Variants in DIAPH2 observed in about 807,000 individuals in gnomAD.
The protein encoded by DIAPH2 is protein diaphanous homolog 2.
In DIAPH2, 35 loss-of-function variants were observed where a neutral mutation model predicts 92.7. That is an observed-to-expected ratio of 0.38 (90% confidence interval 0.29 to 0.50). The LOEUF (loss-of-function observed/expected upper bound fraction) is 0.50, where lower values mean the gene tolerates loss of function less well. Ranked by LOEUF, DIAPH2 falls within the 20% of genes least tolerant of loss-of-function variation. The probability of loss-of-function intolerance (pLI) is 0.94; values close to 1 mark genes in which losing one functional copy is unlikely to be tolerated. For missense variants in DIAPH2, 701 were observed against 819.5 expected (o/e 0.86, Z 1.77); for synonymous variants, 301 against 280.4 (o/e 1.07, Z -0.73).
chrX:97,005,045 C>T (rs143627053), intron 17 of DIAPH2, among the ~76,000 whole-genome samples: 1 of 112,007 alleles, frequency 8.9e-6, no homozygotes, highest in Non-Finnish European at 1.9e-5. Flanking sequence ...GCCTATTCAG[C>T]ATCAATTGAA....
intron 17 of DIAPH2, among the ~76,000 whole-genome samples, chrX:97,043,864 A>G (rs2066463023): frequency 1.8e-5 from 2 of 112,373 alleles, no homozygotes; most frequent in Admixed American, 1.9e-4. Flanking sequence ...ATAATTTTAA[A>G]TGAATACTCT....
chrX:97,240,998 T>C (rs1400656813), intron 22 of DIAPH2, among the ~76,000 whole-genome samples: 2 of 111,378 alleles, frequency 1.8e-5, no homozygotes, highest in Non-Finnish European at 3.8e-5. Flanking sequence ...CCTAAAACCA[T>C]TCCTACCCCA....
chrX:97,224,196 C>T (rs2067948017), intron 22 of DIAPH2, among the ~76,000 whole-genome samples: 1 of 111,962 alleles, frequency 8.9e-6, no homozygotes, highest in Admixed American at 9.5e-5. Context: ...TATGGTCTTT[C>T]TTTAACTATT....
chrX:97,009,724 C>T (rs1458962751), intron 17 of DIAPH2, among the ~76,000 whole-genome samples: 1 of 112,169 alleles, frequency 8.9e-6, no homozygotes, highest in African/African-American at 3.2e-5. Context: ...CTAGAAATGT[C>T]ATCTGGTAGT....
chrX:97,176,336 TA>T (rs914907125), intron 22 of DIAPH2, among the ~76,000 whole-genome samples: 2 of 111,715 alleles, frequency 1.8e-5, no homozygotes, highest in Non-Finnish European at 3.8e-5. Context: ...ATGCCCTTTT[TA>T]AAAAGCATGT....
chrX:96,985,984 T>G (rs1280771409), intron 17 of DIAPH2, among the ~76,000 whole-genome samples: 1 of 110,824 alleles, frequency 9.0e-6, no homozygotes, highest in South Asian at 3.8e-4. Flanking sequence ...CAAAATATGT[T>G]TTTTTTAATG....
At chrX:96,735,488 G>A (rs181632794) in intron 1 of DIAPH2, among the ~76,000 whole-genome samples, 1 of 111,407 alleles carries the variant, frequency 9.0e-6, no homozygotes, top group East Asian at 2.8e-4. Context: ...TTTCAGCACT[G>A]TGGTAGTGAC....
intron 10 of DIAPH2, among the ~76,000 whole-genome samples, chrX:96,934,153 T>C (rs1453136528): frequency 2.7e-5 from 3 of 111,655 alleles, no homozygotes; most frequent in African/African-American, 9.8e-5. Context: ...AGAATGGTCA[T>C]GGGTTAACAT....
rs1313221739 is a variant in DIAPH2, at chrX:97,093,469, C to T, written c.2248-6225C>T. Among the ~76,000 whole-genome samples, 3 of 111,703 alleles carry T rather than the reference C, an allele frequency of 2.7e-5. No individual in the cohort carries two copies. The East Asian group carries it at 8.5e-4, about 32-fold the overall frequency. On this transcript the variant is annotated intron_variant, in intron 19 of 26. Coordinates refer to ENST00000324765, the MANE Select transcript of DIAPH2 (RefSeq NM_006729.5). ...CGTCTGCCTAAGCATTTGGCTGCCT[C>T]CTGTTGCTATCATTACATTTAGACA...
chrX:97,265,736 A>G (rs924722661), intron 23 of DIAPH2, among the ~76,000 whole-genome samples: 1 of 112,188 alleles, frequency 8.9e-6, no homozygotes, highest in Non-Finnish European at 1.9e-5. Context: ...TTAGTATAAG[A>G]TGAAAACTGA....
chrX:96,785,330 T>C (rs1454403976), intron 4 of DIAPH2, among the ~76,000 whole-genome samples: 1 of 110,609 alleles, frequency 9.0e-6, no homozygotes, highest in African/African-American at 3.3e-5. Context: ...CTCACAGTTC[T>C]GGAGGCTAGG....
intron 26 of DIAPH2, among the ~76,000 whole-genome samples, chrX:97,445,014 G>T (rs2070294495): frequency 9.0e-6 from 1 of 111,540 alleles, no homozygotes; most frequent in Admixed American, 9.5e-5. Flanking sequence ...TAGAAATGAA[G>T]TTCCAACATC....
chrX:97,130,325 A>G (rs1056393746), intron 21 of DIAPH2, among the ~76,000 whole-genome samples: 5 of 112,213 alleles, frequency 4.5e-5, no homozygotes, highest in South Asian at 3.7e-4. Flanking sequence ...AGCATTATTC[A>G]TAGTAGCCAA....
intron 26 of DIAPH2, among the ~76,000 whole-genome samples, chrX:97,583,911 A>G (rs1301485204): frequency 8.9e-6 from 1 of 112,293 alleles, no homozygotes; most frequent in South Asian, 3.7e-4. Context: ...AAAGCGCAGT[A>G]TTCGGGTGGG....
At chrX:97,531,857 T>C (rs2071062359) in intron 26 of DIAPH2, among the ~76,000 whole-genome samples, 1 of 112,496 alleles carries the variant, frequency 8.9e-6, no homozygotes, top group Admixed American at 9.4e-5. Context: ...TAACTGAAAC[T>C]CTCTAGAATC....
intron 26 of DIAPH2, among the ~76,000 whole-genome samples, chrX:97,473,192 T>A (rs1488612140): frequency 2.7e-5 from 3 of 112,135 alleles, no homozygotes; most frequent in Admixed American, 1.9e-4. Context: ...CCAACCATTA[T>A]GAAAAGTAGC....
At chrX:97,313,019 A>C (rs369521724) in intron 23 of DIAPH2, among the ~76,000 whole-genome samples, 1 of 109,824 alleles carries the variant, frequency 9.1e-6, no homozygotes, top group East Asian at 2.9e-4. Flanking sequence ...TCTACTAAAA[A>C]TATAAGAAAA....
chrX:96,858,436 A>G (rs1426850195), intron 4 of DIAPH2, among the ~76,000 whole-genome samples: 2 of 112,173 alleles, frequency 1.8e-5, no homozygotes, highest in Non-Finnish European at 3.8e-5. Context: ...GACAATATCC[A>G]AGGAGTCTGC....
chrX:96,874,752 T>C lies in DIAPH2; in HGVS notation c.448-6827T>C, dbSNP rs191572740. ...ATCACCTTTTTGTTTCCTCTAATGT[T>C]AAAATCTAAAATTTTTTGAATATTT... On this transcript the variant is annotated intron_variant, in intron 4 of 26. Coordinates refer to ENST00000324765, the MANE Select transcript of DIAPH2 (RefSeq NM_006729.5). Among the ~76,000 whole-genome samples the C allele has an allele frequency of 6.2e-5, 7 of 112,106 alleles. No individual in the cohort carries two copies. In the East Asian group the frequency reaches 1.9e-3, roughly 31 times the overall value.
Sources: gnomAD v4.1 joint callset for allele counts (sites outside exome capture counted in the v4.1 genomes callset) on GRCh38, gnomAD v4.1.1 for gene constraint, MANE v1.5 for transcripts, NCBI Gene and HGNC (gene_info 2026-07-23, HGNC 2026-07-21) for gene names.